Variants in MAGED2 observed in about 807,000 individuals in gnomAD.
MAGED2 encodes the protein MAGE family member D2, also known as melanoma-associated antigen D2.
A neutral mutation model predicts 41.7 loss-of-function variants in MAGED2; 6 were observed. The observed-to-expected ratio is 0.14, with a 90% CI of 0.08 to 0.28. The LOEUF (loss-of-function observed/expected upper bound fraction) is 0.28. Among genes scored for constraint, MAGED2 ranks in the 10% least tolerant of loss-of-function variants. The pLI is 1.00. For missense variants in MAGED2, 343 were observed against 486.4 expected (o/e 0.71, Z 2.77); for synonymous variants, 146 against 178.2 (o/e 0.82, Z 1.44).
rs1348468833 is a variant in MAGED2 at position 54,809,956 on chromosome X, G to T, written c.280G>T (p.Val94Phe). 9.1e-6 allele frequency: 11 copies of T among 1,202,601 alleles called. No individual in the cohort carries two copies. Among genetic ancestry groups the T allele is most frequent in the Non-Finnish European group, 1.2e-5 (11 of 891,335 alleles). Residue 94 changes from valine to phenylalanine, a missense_variant, in exon 3 of 13, where the codon GTT (valine) becomes TTT (phenylalanine). Around this residue, in one of 3 missense-constraint regions of MAGED2, gnomAD observed 195 missense variants for 221.2 expected, o/e 0.88. Coordinates refer to ENST00000375068, the MANE Select transcript of MAGED2 (RefSeq NM_177433.3). The stretch of plus-strand genomic sequence containing the variant: ...TACTACTCAGCTGACTGATACCCAG[G>T]TTCTGGCAGCTGAAAACAAGAGTCT... ...SSTTQLTDTQ[V>F]LAAENKSLAA...
Position 54,809,916 on chromosome X carries a change from C to T in MAGED2, c.240C>T (p.Ala80=). The T allele has an allele frequency of 8.3e-7, 1 of 1,198,017 alleles. No individual in the cohort carries two copies. The highest frequency in any genetic ancestry group is 1.1e-6 in the Non-Finnish European group (1 of 888,380). Reference sequence around the variant, plus strand: ...CCCCAGAGGCTCGGGAGGCACCTGCCACCCAGGCCTCATCTACTACTCAGC... The same window carrying T: ...CCCCAGAGGCTCGGGAGGCACCTGCTACCCAGGCCTCATCTACTACTCAGC... The part of the protein sequence containing the change: ...SKTPEAREAP[A]TQASSTTQLT... Residue 80 remains alanine, a synonymous_variant, in exon 3 of 13, where the codon GCC becomes GCT. Coordinates refer to ENST00000375068, the MANE Select transcript of MAGED2 (RefSeq NM_177433.3).
Position 54,815,614 on chromosome X carries a change from G to A in MAGED2, c.1753G>A (p.Ala585Thr). 3 of 1,167,455 alleles carry A rather than the reference G, an allele frequency of 2.6e-6. No homozygotes were observed. The highest frequency in any genetic ancestry group is 3.4e-6 in the Non-Finnish European group (3 of 872,952). The change falls in exon 12 of 13, where the codon GCT (alanine) becomes ACT (threonine). Residue 585 changes from alanine to threonine, a missense_variant. By Grantham distance (58) the Ala-to-Thr change is moderately conservative. Transcript: ENST00000375068. ...CGCCACTCTCACATTTGGGCTCTTC[G>A]CTGGCCTTGGTGGAGCTGGTGCCAG... ...LTATLTFGLF[A>T]GLGGAGASTS... is the part of the protein sequence containing the mutation.
In MAGED2 at chrX:54,809,296, C is replaced by T; in HGVS notation, c.-29-7C>T. On this transcript the variant is annotated splice_polypyrimidine_tract_variant and splice_region_variant and intron_variant, in intron 1 of 12. Coordinates refer to ENST00000375068, the MANE Select transcript of MAGED2 (RefSeq NM_177433.3). ...CTTCAACTTGACCCAGGCCTTCTCC[C>T]CTTCAGGCTCAGCTCTTGCCAGGCC... 2.5e-6 allele frequency: 3 copies of T among 1,206,086 alleles called. No homozygotes were observed. Among genetic ancestry groups the T allele is most frequent in the South Asian group, 1.8e-5 (1 of 56,692 alleles).
intron 7 of MAGED2, among the ~76,000 whole-genome samples, chrX:54,812,653 A>G (rs1049418534): frequency 1.6e-4 from 18 of 111,297 alleles, no homozygotes; most frequent in African/African-American, 6.0e-4. Flanking sequence ...TCTGGGACAG[A>G]AAGAAGGGAC....
At position 54,815,975 on chromosome X, in the gene MAGED2, T is replaced by A. The variant is rs1267778636; in HGVS notation, c.*103T>A. 5 of 271,528 alleles carry A rather than the reference T, an allele frequency of 1.8e-5. No homozygotes were observed. Among genetic ancestry groups the A allele is most frequent in the African/African-American group, 1.4e-4 (5 of 36,483 alleles). The allele number at this position is 271,528 out of a possible 1,213,427, so 22.4% of individuals were successfully genotyped here. On this transcript the variant is annotated 3_prime_UTR_variant, in exon 13 of 13. Transcript: ENST00000375068. ...CTCTAGGCAGCCACTATCAATCAAT[T>A]GAAGTTGACACTCTGCATTAAATCT...
rs1195847078 is a variant in MAGED2, at chrX:54,815,958, A to G, written c.*86A>G. The G allele has an allele frequency of 6.6e-6, 2 of 301,120 alleles. No individual in the cohort carries two copies. Among genetic ancestry groups the G allele is most frequent in the Non-Finnish European group, 1.2e-5 (2 of 173,474 alleles). 24.8% of individuals were successfully genotyped at this position (301,120 alleles called of 1,213,427 possible). A position where few individuals can be genotyped will look rare whatever the true frequency, so the allele number is the denominator to read the frequency against. ...ACCTACTCAACACAGCACTCTAGGC[A>G]GCCACTATCAATCAATTGAAGTTGA... is the stretch of plus-strand genomic sequence containing the variant. On this transcript the variant is annotated 3_prime_UTR_variant, in exon 13 of 13. Transcript: ENST00000375068.
Position 54,811,566 on chromosome X carries a change from C to T in MAGED2, c.911-8C>T, listed in dbSNP as rs1929804995. ...CAGTCAGGTGCTCACAACACTCTCCCCTTGCAGACATGCTGAAGGACATCA... is the reference window on the plus strand; with the variant it reads ...CAGTCAGGTGCTCACAACACTCTCCTCTTGCAGACATGCTGAAGGACATCA... On this transcript the variant is annotated splice_polypyrimidine_tract_variant and splice_region_variant and intron_variant, in intron 5 of 12. Transcript: ENST00000375068. The T allele has an allele frequency of 8.4e-7, 1 of 1,191,473 alleles. No homozygotes were observed. Among genetic ancestry groups the T allele is most frequent in the African/African-American group, 1.8e-5 (1 of 57,099 alleles).
At chrX:54,808,824 T>A (rs1344270111) in intron 1 of MAGED2, among the ~76,000 whole-genome samples, 1 of 111,202 alleles carries the variant, frequency 9.0e-6, no homozygotes, top group Non-Finnish European at 1.9e-5. Flanking sequence ...GAGAGGGGCG[T>A]GTGTTGGGGC....
At chrX:54,808,922 G>T in intron 1 of MAGED2, 1 of 230,142 alleles carries the variant, frequency 4.3e-6, no homozygotes. Flanking sequence ...GCACTGAGAA[G>T]AGCCAGCTGC....
In MAGED2 at chrX:54,811,049, C is replaced by T. The variant is rs746278493; in HGVS notation, c.766C>T (p.Arg256Cys). Residue 256 changes from arginine to cysteine, a missense_variant, in exon 4 of 13, where the codon CGC (arginine) becomes TGC (cysteine). Physicochemically the swap from Arg to Cys is radical, Grantham distance 180 (BLOSUM62 -3). Transcript: ENST00000375068. ...ACCTAAAGCCCGTAGGGGCAAGGCT[C>T]GCCGTAGAGCTGCCAAGCTCCAGTC... is the stretch of plus-strand genomic sequence containing the variant. ...RSPKARRGKA[R>C]RRAAKLQSSQ... is the part of the protein sequence containing the mutation. 2.8e-5 allele frequency: 33 copies of T among 1,198,805 alleles called. No homozygotes were observed. Among genetic ancestry groups the T allele is most frequent in the Non-Finnish European group, 3.7e-5 (33 of 888,950 alleles).
At chrX:54,810,570 G>A (rs1452946809) in intron 3 of MAGED2, among the ~76,000 whole-genome samples, 1 of 111,808 alleles carries the variant, frequency 8.9e-6, no homozygotes, top group Non-Finnish European at 1.9e-5. Context: ...AGCAGAGCCA[G>A]TAGTGGGCAC....
chrX:54,808,668 G>T (rs1929692532), intron 1 of MAGED2, among the ~76,000 whole-genome samples: 1 of 111,065 alleles, frequency 9.0e-6, no homozygotes, highest in African/African-American at 3.3e-5. Context: ...TTTGGAGGGG[G>T]GCGTGTTAGG....
chrX:54,809,537 G>A (rs1602074903), intron 2 of MAGED2, among the ~76,000 whole-genome samples, 161 bp downstream of exon 2: 1 of 111,475 alleles, frequency 9.0e-6, no homozygotes, highest in East Asian at 2.8e-4. Context: ...GAAGGTGGGC[G>A]GGCCCCTCTT....
intron 11 of MAGED2, 44 bp downstream of exon 11, chrX:54,814,819 G>A (rs187017203): frequency 1.9e-6 from 2 of 1,027,582 alleles, no homozygotes; most frequent in Non-Finnish European, 2.7e-6. Context: ...AGAGCATGGG[G>A]TGCCCCTGGC....
Position 54,810,895 on chromosome X carries a change from G to A in MAGED2, c.612G>A (p.Arg204=), listed in dbSNP as rs1417996765. The A allele has an allele frequency of 8.3e-7, 1 of 1,202,364 alleles. No individual in the cohort carries two copies. Among genetic ancestry groups the A allele is most frequent in the Non-Finnish European group, 1.1e-6 (1 of 890,095 alleles). Residue 204 remains arginine (R), a synonymous_variant, in exon 4 of 13, where the codon AGG becomes AGA. Transcript: ENST00000375068. ...CTTCTGGAACCACAGGTGGCCGAAG[G>A]GTCTCAAAGGCCCTAATGGCCTCAA... ...SQASGTTGGR[R]VSKALMASMA...
chrX:54,811,632 A>G lies in MAGED2; in HGVS notation c.969A>G (p.Arg323=). The change falls in exon 6 of 13, where the codon CGA becomes CGG. Residue 323 remains arginine, a synonymous_variant. Coordinates refer to ENST00000375068, the MANE Select transcript of MAGED2 (RefSeq NM_177433.3). ...YTDVYPEIIE[R]AGYSLEKVFG... Reference sequence around the variant, plus strand: ...ATGTGTACCCCGAAATCATTGAACGAGCAGGCTATTCCTTGGAGAAGGTGA... The same window carrying G: ...ATGTGTACCCCGAAATCATTGAACGGGCAGGCTATTCCTTGGAGAAGGTGA... The G allele has an allele frequency of 8.3e-7, 1 of 1,208,369 alleles. No individual in the cohort carries two copies. The highest frequency in any genetic ancestry group is 1.7e-5 in the African/African-American group (1 of 57,850).
intron 1 of MAGED2, among the ~76,000 whole-genome samples, chrX:54,808,852 C>A (rs2147629556): frequency 8.9e-6 from 1 of 112,492 alleles, no homozygotes; most frequent in African/African-American, 3.2e-5. Context: ...CAGACTGAGA[C>A]CACGACCATT....
intron 7 of MAGED2, 128 bp from the exon 8 acceptor site, chrX:54,812,817 C>G (rs1015147770): frequency 1.9e-6 from 1 of 520,210 alleles, no homozygotes; most frequent in Non-Finnish European, 3.3e-6. Context: ...TGGCATAGAG[C>G]TGGAAGCAGA....
intron 5 of MAGED2, 124 bp from the exon 6 acceptor site, chrX:54,811,450 C>G: frequency 5.6e-6 from 5 of 890,786 alleles, no homozygotes; most frequent in Non-Finnish European, 8.1e-6. Context: ...GCTAGCATCT[C>G]TGTTGATAAG....
Sources: gnomAD v4.1 joint callset for allele counts (sites outside exome capture counted in the v4.1 genomes callset) on GRCh38, gnomAD v4.1.1 for gene constraint, gnomAD v4.1.1 regional missense constraint, MANE v1.5 for transcripts, NCBI Gene and HGNC (gene_info 2026-07-23, HGNC 2026-07-21) for gene names.